AK2: variants seen among roughly 807,000 people sequenced by gnomAD.
AK2 encodes the protein adenylate kinase 2, mitochondrial.
A neutral mutation model predicts 24.6 loss-of-function variants in AK2; 15 were observed. That is an observed-to-expected ratio of 0.61 (90% CI 0.41 to 0.94). The LOEUF (loss-of-function observed/expected upper bound fraction) is 0.94, where lower values mean the gene tolerates loss of function less well. Ranked by LOEUF, AK2 falls within the 40% of genes least tolerant of loss-of-function variation. AK2 has a pLI of 0.00. For missense variants in AK2, 257 were observed against 304.1 expected (o/e 0.85, Z 1.15); for synonymous variants, 102 against 114.0 (o/e 0.90, Z 0.67).
chr1:33,027,737 A>C (rs1639986123), intron 1 of AK2, among the ~76,000 whole-genome samples: 1 of 146,708 alleles, frequency 6.8e-6, no homozygotes, highest in Non-Finnish European at 1.5e-5. Flanking sequence ...ACAGAGCAAG[A>C]CTCTTGTCTC....
At chr1:33,025,746 A>C (rs1639836677) in intron 1 of AK2, among the ~76,000 whole-genome samples, 1 of 152,208 alleles carries the variant, frequency 6.6e-6, no homozygotes, top group Non-Finnish European at 1.5e-5. Flanking sequence ...TGGAGATGGT[A>C]ATAGTATCTG....
At chr1:33,013,790 C>T (rs955279615) in intron 5 of AK2, among the ~76,000 whole-genome samples, 1 of 152,172 alleles carries the variant, frequency 6.6e-6, no homozygotes, top group Non-Finnish European at 1.5e-5. Context: ...GATACATTAG[C>T]AATTGTAATC....
chr1:33,026,982 T>G (rs910793045), intron 1 of AK2, among the ~76,000 whole-genome samples: 15 of 151,098 alleles, frequency 9.9e-5, no homozygotes, highest in Admixed American at 3.9e-4. Context: ...AAAAATTAGC[T>G]GGGCGTGCTG....
At chr1:33,017,810 A>G (rs1394692170) in intron 4 of AK2, among the ~76,000 whole-genome samples, 1 of 152,180 alleles carries the variant, frequency 6.6e-6, no homozygotes, top group Non-Finnish European at 1.5e-5. Flanking sequence ...GCTGGAGTCC[A>G]GTGGCCTAAT....
rs752308408 is a variant in AK2, at chr1:33,010,295, T to C, written c.*2886A>G. On this transcript the variant is annotated 3_prime_UTR_variant, in exon 6 of 6. Coordinates refer to ENST00000672715, the MANE Select transcript of AK2 (RefSeq NM_001625.4). ...CCTTGATTCCAGTTTGCTTGATTTG[T>C]TGAGCCACCATCCCTATGAATACAC... 5 of 455,274 alleles carry C rather than the reference T, an allele frequency of 1.1e-5. No homozygotes were observed. The highest frequency in any genetic ancestry group is 7.8e-5 in the South Asian group (5 of 64,500). The allele number at this position is 455,274 out of a possible 1,614,324, so 28.2% of individuals were successfully genotyped here.
intron 1 of AK2, among the ~76,000 whole-genome samples, chr1:33,026,311 T>C (rs1639878177): frequency 6.6e-6 from 1 of 152,170 alleles, no homozygotes; most frequent in African/African-American, 2.4e-5. Flanking sequence ...GTGATTCTCC[T>C]GCCTCAGCCT....
intron 1 of AK2, among the ~76,000 whole-genome samples, chr1:33,033,881 C>CT (rs900506872): frequency 1.3e-4 from 19 of 149,128 alleles, no homozygotes; most frequent in East Asian, 2.0e-4. Flanking sequence ...GATTTAAGAT[C>CT]TTTTTTTTTT....
chr1:33,012,989 C>T lies in AK2; in HGVS notation c.*192G>A. 2 of 1,583,844 alleles carry T rather than the reference C, an allele frequency of 1.3e-6. No individual in the cohort carries two copies. Among genetic ancestry groups the T allele is most frequent in the Non-Finnish European group, 1.7e-6 (2 of 1,170,132 alleles). On this transcript the variant is annotated 3_prime_UTR_variant, in exon 6 of 6. Transcript: ENST00000672715. ...GAGTGAACACATATGTGCATGCACACACACACACACACAACACACATACAC... is the reference window on the plus strand; with the variant it reads ...GAGTGAACACATATGTGCATGCACATACACACACACACAACACACATACAC...
At chr1:33,025,131 G>T (rs994558816) in intron 1 of AK2, among the ~76,000 whole-genome samples, 1 of 147,480 alleles carries the variant, frequency 6.8e-6, no homozygotes, top group Non-Finnish European at 1.5e-5. Flanking sequence ...GCTGCAGTGA[G>T]CTGAGATTGC....
At position 33,012,077 on chromosome 1, in the gene AK2, G is replaced by C. The variant is rs1213567735; in HGVS notation, c.*1104C>G. 2 of 1,535,374 alleles carry C rather than the reference G, an allele frequency of 1.3e-6. No homozygotes were observed. Among genetic ancestry groups the C allele is most frequent in the East Asian group, 2.4e-5 (1 of 40,908 alleles). On this transcript the variant is annotated 3_prime_UTR_variant, in exon 6 of 6. Transcript: ENST00000672715. ...AAATAAAAGCAAATAAACCTACCCT[G>C]GTCTCTTTTTGGGGAAGTAGATTTG...
chr1:33,021,585 C>G lies in AK2; in HGVS notation c.330+8G>C, dbSNP rs781550197. ...ATGCAGTAGTAATATAAAAACTAAG[C>G]TACCCACCATTTCTGCCTGCCTCAC... On this transcript the variant is annotated splice_region_variant and intron_variant, in intron 3 of 5. Transcript: ENST00000672715. The G allele has an allele frequency of 1.4e-4, 221 of 1,613,514 alleles. 5 individuals carry two copies. In the South Asian group the frequency reaches 1.9e-3, roughly 14 times the overall value.
At chr1:33,022,042 A>G (rs1639590161) in intron 2 of AK2, among the ~76,000 whole-genome samples, 2 of 152,154 alleles carry the variant, frequency 1.3e-5, no homozygotes, top group African/African-American at 4.8e-5. Context: ...CTGCCACTAG[A>G]GTCCAGAGTC....
chr1:33,014,661 G>T, intron 4 of AK2, 67 bp from the exon 5 acceptor site: 1 of 1,380,592 alleles, frequency 7.2e-7, no homozygotes. Context: ...CACTCTAGGG[G>T]GCTCCAGAAT....
In AK2 at chr1:33,012,695, A is replaced by G. The variant is rs775540054; in HGVS notation, c.*486T>C. 2.0e-4 allele frequency: 243 copies of G among 1,199,898 alleles called. No individual in the cohort carries two copies. Among genetic ancestry groups the G allele is most frequent in the Admixed American group, 3.9e-4 (17 of 43,322 alleles). The allele number at this position is 1,199,898 out of a possible 1,614,324, so 74.3% of individuals were successfully genotyped here. On this transcript the variant is annotated 3_prime_UTR_variant, in exon 6 of 6. Coordinates refer to ENST00000672715, the MANE Select transcript of AK2 (RefSeq NM_001625.4). ...GTGGATTGCTTAAGCCTAGGAGTTC[A>G]AGACCAGCCTGGGCAACTTGGCAAA...
Position 33,013,093 on chromosome 1 carries a change from T to A in AK2, c.*88A>T. ...TCAATACATCAAATGATATTTTTGC[T>A]AGCCTGAGGAAGCTTCTCTTTGCCT... On this transcript the variant is annotated 3_prime_UTR_variant, in exon 6 of 6. Coordinates refer to ENST00000672715, the MANE Select transcript of AK2 (RefSeq NM_001625.4). 2.5e-6 allele frequency: 4 copies of A among 1,611,738 alleles called. No individual in the cohort carries two copies. Among genetic ancestry groups the A allele is most frequent in the Non-Finnish European group, 3.4e-6 (4 of 1,179,974 alleles).
intron 1 of AK2, chr1:33,032,459 AT>A (rs1283000196): frequency 6.6e-6 from 1 of 152,262 alleles, no homozygotes; most frequent in Non-Finnish European, 1.5e-5. Context: ...TAAATCAAGC[AT>A]TTATCCTGAC....
chr1:33,018,177 C>A (rs1639313283), intron 4 of AK2, among the ~76,000 whole-genome samples: 1 of 152,050 alleles, frequency 6.6e-6, no homozygotes, highest in Non-Finnish European at 1.5e-5. Flanking sequence ...TTTGAGAGAG[C>A]CAATATTGAA....
chr1:33,031,527 T>C (rs1322429305), intron 1 of AK2: 1 of 454,714 alleles, frequency 2.2e-6, no homozygotes, highest in Non-Finnish European at 4.4e-6. Context: ...ATGCACACGG[T>C]AGGAGAAAAA....
chr1:33,031,775 A>T (rs930007665), intron 1 of AK2: 1 of 434,346 alleles, frequency 2.3e-6, no homozygotes, highest in African/African-American at 2.0e-5. Context: ...GCCTCGAAGA[A>T]TTGGGCATAA....
Sources: allele counts gnomAD v4.1 joint callset (sites outside exome capture counted in the v4.1 genomes callset), GRCh38; gene constraint gnomAD v4.1.1; transcripts MANE v1.5; gene names NCBI Gene and HGNC (gene_info 2026-07-23, HGNC 2026-07-21).